FILIP1: variants seen among roughly 807,000 people sequenced by gnomAD.
FILIP1 encodes the protein filamin-A-interacting protein 1.
A neutral mutation model predicts 102.1 loss-of-function variants in FILIP1; 61 were observed. The ratio of observed to expected loss-of-function variants is 0.60; its 90% CI spans 0.49 to 0.74. FILIP1 has a LOEUF of 0.74. Ranked by LOEUF, FILIP1 falls within the 30% of genes least tolerant of loss-of-function variation. The pLI, the probability that FILIP1 is intolerant of heterozygous loss-of-function variation, is 0.00. For synonymous variants in FILIP1, 491 were observed against 526.9 expected, an observed-to-expected ratio of 0.93 and a Z score of 0.93; for missense variants, 1,314 against 1,441.2, an observed-to-expected ratio of 0.91 and a Z score of 1.43.
At chr6:75,296,087 G>A (rs1772659526) in intron 6 of FILIP1, 1 of 515,268 alleles carries the variant, frequency 1.9e-6, no homozygotes, top group Non-Finnish European at 3.1e-6. Flanking sequence ...AGACTTTCCT[G>A]CATTACTATT....
In FILIP1 at chr6:75,396,334, G is replaced by A. The variant is rs575329861; in HGVS notation, c.276+18363C>T. 5.4e-4 allele frequency among the ~76,000 whole-genome samples: 82 copies of A among 151,956 alleles called. No homozygotes were observed. The South Asian group carries it at 0.016, about 30-fold the overall frequency. On this transcript the variant is annotated intron_variant, in intron 2 of 5. Coordinates refer to ENST00000237172, the MANE Select transcript of FILIP1 (RefSeq NM_015687.5). ...GTGATCTGGGGAATTAGCCAAAGGG[G>A]GACAAGACTGCAGGAAGGGCATACC...
In FILIP1 at chr6:75,313,412, G is replaced by A. The variant is rs1773286144; in HGVS notation, c.2420C>T (p.Thr807Ile). 1.2e-6 allele frequency: 2 copies of A among 1,614,090 alleles called. No homozygotes were observed. The highest frequency in any genetic ancestry group is 1.3e-5 in the African/African-American group (1 of 74,934). ...TGCTGCTTCACCGCTGACTGCATCA[G>A]TTTGGACTCCAGTTGACGTCACAGG... The part of the protein sequence containing the change: ...DVPVTSTGVQ[T>I]DAVSGEAAEE... Residue 807 changes from threonine (T) to isoleucine (I), a missense_variant, in exon 5 of 6, where the codon ACT becomes ATT. By Grantham distance (89) the Thr-to-Ile change is moderately conservative (BLOSUM62 -1). Transcript: ENST00000237172. This position sits in a 1 kb window ranked among gnomAD's most constrained non-coding sequence, Gnocchi z 4.2.
At chr6:75,388,448 T>C (rs965997894) in intron 2 of FILIP1, among the ~76,000 whole-genome samples, 6 of 152,248 alleles carry the variant, frequency 3.9e-5, no homozygotes, top group Non-Finnish European at 8.8e-5. Context: ...GGGAATAGCA[T>C]TGAATCTATA....
rs555174253 is a variant in FILIP1, at chr6:75,357,831, C to T, written c.451-4114G>A. 4.6e-3 allele frequency among the ~76,000 whole-genome samples: 708 copies of T among 152,288 alleles called. 8 individuals are homozygous for T. Among genetic ancestry groups the T allele is most frequent in the Non-Finnish European group, 8.2e-3 (556 of 68,024 alleles). ...ACAGAGGTAGCCTATTTTCTTGGCT[C>T]TATGTGGCTTGTCCAGAGGCTCTGA... On this transcript the variant is annotated intron_variant, in intron 3 of 5. Transcript: ENST00000237172.
At chr6:75,449,501 A>G (rs1034267425) in intron 1 of FILIP1, among the ~76,000 whole-genome samples, 4 of 152,048 alleles carry the variant, frequency 2.6e-5, no homozygotes, top group Non-Finnish European at 5.9e-5. Flanking sequence ...AAAAAGATAA[A>G]TGCCTTAGCT....
intron 2 of FILIP1, among the ~76,000 whole-genome samples, chr6:75,390,394 A>C (rs990751175): frequency 6.6e-6 from 1 of 152,186 alleles, no homozygotes; most frequent in Non-Finnish European, 1.5e-5. Flanking sequence ...AATATCTGAG[A>C]CTGGGTAATT....
chr6:75,338,746 G>GAAT (rs1274410277), intron 4 of FILIP1, among the ~76,000 whole-genome samples: 3 of 152,116 alleles, frequency 2.0e-5, no homozygotes, highest in African/African-American at 7.2e-5. Context: ...TATTCCAGAA[G>GAAT]AATAATCTCA....
intron 2 of FILIP1, among the ~76,000 whole-genome samples, chr6:75,407,754 C>G (rs1776924545): frequency 6.6e-6 from 1 of 152,010 alleles, no homozygotes; most frequent in Non-Finnish European, 1.5e-5. Flanking sequence ...ACTATAACAA[C>G]AAAAGGGAAA....
At chr6:75,324,743 T>C (rs1464197376) in intron 4 of FILIP1, among the ~76,000 whole-genome samples, 1 of 152,198 alleles carries the variant, frequency 6.6e-6, no homozygotes, top group East Asian at 1.9e-4. Context: ...AATAAGCATG[T>C]AGACCAATGG....
chr6:75,433,721 T>C (rs1257551072), intron 1 of FILIP1, among the ~76,000 whole-genome samples: 1 of 152,236 alleles, frequency 6.6e-6, no homozygotes, highest in African/African-American at 2.4e-5. Flanking sequence ...TTTTGGCTTT[T>C]ATTGCCATTG....
chr6:75,363,055 AAT>A, intron 2 of FILIP1, 138 bp from the exon 3 acceptor site: 1 of 798,674 alleles, frequency 1.3e-6, no homozygotes, highest in Non-Finnish European at 1.9e-6. Flanking sequence ...ATTCTGCTCT[AAT>A]TTTTTTTTTT....
At position 75,298,454 on chromosome 6, in the gene FILIP1, A is replaced by G. The variant is rs16886437; in HGVS notation, c.3494-2504T>C. ...TGGAGACCAACTTCATTTTATTTCT[A>G]GAGATAGTGAGATAAAATCTGTATG... is the stretch of plus-strand genomic sequence containing the variant. On this transcript the variant is annotated intron_variant, in intron 6 of 6. Coordinates refer to the FILIP1 transcript ENST00000393004. Among the ~76,000 whole-genome samples the G allele has an allele frequency of 8.8e-3, 1,334 of 152,308 alleles. 13 individuals carry two copies. The highest frequency in any genetic ancestry group is 0.03 in the African/African-American group (1,242 of 41,566).
intron 2 of FILIP1, among the ~76,000 whole-genome samples, chr6:75,368,944 G>T (rs1775428566): frequency 6.6e-6 from 1 of 152,136 alleles, no homozygotes; most frequent in Admixed American, 6.6e-5. Context: ...GTTGGGGCAG[G>T]CCAGGAACTG....
At chr6:75,359,027 G>C (rs1292617592) in intron 3 of FILIP1, among the ~76,000 whole-genome samples, 1 of 151,736 alleles carries the variant, frequency 6.6e-6, no homozygotes, top group Non-Finnish European at 1.5e-5. Context: ...TTTTGAGAAA[G>C]AGTCTTGCTC....
At chr6:75,440,697 T>A (rs1239750406) in intron 1 of FILIP1, among the ~76,000 whole-genome samples, 1 of 152,186 alleles carries the variant, frequency 6.6e-6, no homozygotes, top group African/African-American at 2.4e-5. Flanking sequence ...TGGCCTGTGA[T>A]CCCAGCAGTT....
intron 1 of FILIP1, chr6:75,465,427 C>T (rs1779134368): frequency 2.9e-6 from 2 of 696,284 alleles, no homozygotes; most frequent in Admixed American, 4.9e-5. Flanking sequence ...AGTGGTGGAC[C>T]CATTTCACTG....
chr6:75,343,435 C>A (rs1240792987), intron 4 of FILIP1, among the ~76,000 whole-genome samples: 1 of 152,102 alleles, frequency 6.6e-6, no homozygotes, highest in Non-Finnish European at 1.5e-5. Flanking sequence ...TGTCCCCCAC[C>A]CACTCCCCAG....
At chr6:75,433,077 C>G (rs560573810) in intron 1 of FILIP1, among the ~76,000 whole-genome samples, 1 of 152,108 alleles carries the variant, frequency 6.6e-6, no homozygotes, top group African/African-American at 2.4e-5. Context: ...CAGTCTATCA[C>G]TGATGGACAT....
intron 1 of FILIP1, among the ~76,000 whole-genome samples, chr6:75,452,724 A>G (rs1370477832): frequency 6.6e-6 from 1 of 152,240 alleles, no homozygotes; most frequent in African/African-American, 2.4e-5. Flanking sequence ...TAAGTAATTC[A>G]GAAGGACAAA....
Sources: allele counts gnomAD v4.1 joint callset (sites outside exome capture counted in the v4.1 genomes callset), GRCh38; gene constraint gnomAD v4.1.1; non-coding constraint Gnocchi (gnomAD v3.1); transcripts MANE v1.5; gene names NCBI Gene and HGNC (gene_info 2026-07-23, HGNC 2026-07-21).